Variants in CNGA3 observed in about 807,000 individuals in gnomAD.
The protein encoded by CNGA3 is cyclic nucleotide-gated channel alpha-3.
CNGA3 carries 42 observed loss-of-function variants against 46.6 expected under a neutral mutation model. That is an observed-to-expected ratio of 0.90 (90% CI 0.70 to 1.17). CNGA3 has a LOEUF of 1.17. CNGA3 is among the 50% of genes most tolerant of loss of function. The pLI, the probability that CNGA3 is intolerant of heterozygous loss-of-function variation, is 0.00. For synonymous variants in CNGA3, 394 were observed against 369.4 expected (o/e 1.07, Z -0.76); for missense variants, 893 against 890.7 (o/e 1.00, Z -0.03).
chr2:98,372,221 A>G (rs1366817519), intron 2 of CNGA3, among the ~76,000 whole-genome samples: 1 of 152,202 alleles, frequency 6.6e-6, no homozygotes, highest in Non-Finnish European at 1.5e-5. Context: ...TGCTTTGGCC[A>G]GTGACCTCCA....
chr2:98,372,587 A>C (rs569961070), intron 2 of CNGA3, among the ~76,000 whole-genome samples: 1 of 152,318 alleles, frequency 6.6e-6, no homozygotes, highest in Non-Finnish European at 1.5e-5. Context: ...CTGGCTCTGC[A>C]ACTGACCTGC....
chr2:98,388,987 G>C (rs1692722546), intron 5 of CNGA3, among the ~76,000 whole-genome samples: 1 of 152,248 alleles, frequency 6.6e-6, no homozygotes, highest in Non-Finnish European at 1.5e-5. Context: ...CTGTAAACTT[G>C]AATCTGCGGG....
Position 98,377,743 on chromosome 2 carries a change from A to T in CNGA3, c.158A>T (p.Glu53Val). The change falls in exon 3 of 8, where the codon GAG (glutamate) becomes GTG (valine). Residue 53 changes from glutamate (E) to valine (V), a missense_variant. Coordinates refer to ENST00000272602, the MANE Select transcript of CNGA3 (RefSeq NM_001298.3). ...SSVLQPGIAM[E>V]TRGLADSGQG... is the part of the protein sequence containing the mutation. ...GTGCTGCAGCCGGGGATCGCCATGG[A>T]GACCAGAGGACTGGCTGACTCCGGG... 1.2e-6 allele frequency: 2 copies of T among 1,613,342 alleles called. No individual in the cohort carries two copies. The highest frequency in any genetic ancestry group is 1.7e-6 in the Non-Finnish European group (2 of 1,180,014).
rs754086920 is a variant in CNGA3 at position 98,397,220 on chromosome 2, G to A, written c.2050G>A (p.Gly684Arg). The change falls in exon 8 of 8, where the codon GGG (glycine) becomes AGG (arginine). Residue 684 changes from glycine to arginine, a missense_variant. Physicochemically the swap from Gly to Arg is moderately radical, Grantham distance 125 (BLOSUM62 -2). This residue lies in a region of CNGA3 where 548 missense variants were observed against 570.8 expected (regional missense o/e 0.96). Transcript: ENST00000272602. ...GCCCCTGGCTGATGGGGAAGTTCCC[G>A]GGGATGCTACAAAAACAGAGGACAA... ...DKPLADGEVP[G>R]DATKTEDKQQ is the part of the protein sequence containing the mutation. 9.3e-6 allele frequency: 15 copies of A among 1,613,950 alleles called. No individual in the cohort carries two copies. The highest frequency in any genetic ancestry group is 2.7e-5 in the African/African-American group (2 of 75,046).
At chr2:98,379,977 A>G (rs1457961634) in intron 3 of CNGA3, 198 bp from the exon 4 acceptor site, 4 of 637,782 alleles carry the variant, frequency 6.3e-6, no homozygotes, top group South Asian at 1.9e-5. Flanking sequence ...AAGGGGATAA[A>G]CGGTCCCCAT....
At chr2:98,382,610 G>A (rs1329654971) in intron 4 of CNGA3, among the ~76,000 whole-genome samples, 1 of 152,260 alleles carries the variant, frequency 6.6e-6, no homozygotes, top group Non-Finnish European at 1.5e-5. Context: ...GGTCTGCAGT[G>A]CCCTGCGAGG....
At chr2:98,363,364 C>T (rs1558805704) in intron 1 of CNGA3, among the ~76,000 whole-genome samples, 1 of 152,178 alleles carries the variant, frequency 6.6e-6, no homozygotes, top group Non-Finnish European at 1.5e-5. Flanking sequence ...AGGTCCTTCA[C>T]TTGCCTTACT....
At chr2:98,388,366 G>A (rs970266571) in intron 5 of CNGA3, among the ~76,000 whole-genome samples, 1 of 152,238 alleles carries the variant, frequency 6.6e-6, no homozygotes, top group African/African-American at 2.4e-5. Flanking sequence ...AAGACGGGGT[G>A]CCATGGTCCC....
At chr2:98,384,202 T>C (rs778316712) in intron 5 of CNGA3, among the ~76,000 whole-genome samples, 1 of 152,190 alleles carries the variant, frequency 6.6e-6, no homozygotes, top group Non-Finnish European at 1.5e-5. Flanking sequence ...GTTCCCGTGT[T>C]TTAAGGCCAA....
chr2:98,365,157 C>T (rs1233818775), intron 1 of CNGA3, among the ~76,000 whole-genome samples: 1 of 152,094 alleles, frequency 6.6e-6, no homozygotes, highest in Non-Finnish European at 1.5e-5. Flanking sequence ...CCTGCCTCAG[C>T]CTACTGAGGT....
At chr2:98,383,927 C>T (rs867744259) in intron 5 of CNGA3, among the ~76,000 whole-genome samples, 1 of 152,114 alleles carries the variant, frequency 6.6e-6, no homozygotes, top group African/African-American at 2.4e-5. Flanking sequence ...TGCTCTGTCA[C>T]CCAGGCTGGA....
chr2:98,367,715 C>T (rs897525840), intron 1 of CNGA3, among the ~76,000 whole-genome samples: 3 of 152,128 alleles, frequency 2.0e-5, no homozygotes, highest in Non-Finnish European at 4.4e-5. Context: ...TCTTCCTCCC[C>T]ACCCCTTATA....
Position 98,378,200 on chromosome 2 carries a change from T to C in CNGA3, c.215+400T>C, listed in dbSNP as rs1208107524. 1.9e-6 allele frequency: 3 copies of C among 1,550,074 alleles called. No individual in the cohort carries two copies. In the South Asian group the frequency reaches 3.6e-5, roughly 18 times the overall value. ...AATGGCTCTGGCAGGGTCTCCCGGG[T>C]GCTCGTCTGGACCCCAGGGCAGGTA... On this transcript the variant is annotated intron_variant, in intron 3 of 7. Transcript: ENST00000272602.
At position 98,383,402 on chromosome 2, in the gene CNGA3, C is replaced by G; in HGVS notation, c.410C>G (p.Ala137Gly). Residue 137 changes from alanine to glycine, a missense_variant, in exon 5 of 8, where the codon GCC (alanine) becomes GGC (glycine). Physicochemically the swap from Ala to Gly is moderately conservative, Grantham distance 60 (BLOSUM62 0). This residue lies in a region of CNGA3 where 333 missense variants were observed against 290.8 expected (regional missense o/e 1.15). Transcript: ENST00000272602. The part of the protein sequence containing the change: ...ADRGRSAWPL[A>G]KCNTNTSNNT... ...CCTTCCCGCAGCGCCTGGCCCCTGG[C>G]CAAATGCAACACTAACACCAGCAAC... 12 of 1,614,152 alleles carry G rather than the reference C, an allele frequency of 7.4e-6. No individual in the cohort carries two copies. The highest frequency in any genetic ancestry group is 9.3e-6 in the Non-Finnish European group (11 of 1,180,034).
At chr2:98,363,607 C>A (rs1020110687) in intron 1 of CNGA3, among the ~76,000 whole-genome samples, 1 of 152,284 alleles carries the variant, frequency 6.6e-6, no homozygotes, top group Non-Finnish European at 1.5e-5. Context: ...AAGGGGAATG[C>A]TTCCAGATTT....
At chr2:98,371,441 A>ATAATTT (rs1345936102) in intron 2 of CNGA3, among the ~76,000 whole-genome samples, 2 of 152,206 alleles carry the variant, frequency 1.3e-5, no homozygotes, top group Non-Finnish European at 2.9e-5. Flanking sequence ...GTGATGGTCA[A>ATAATTT]TAATTTTCAA....
chr2:98,351,767 AT>A (rs1416595332), intron 1 of CNGA3, among the ~76,000 whole-genome samples: 4 of 152,122 alleles, frequency 2.6e-5, no homozygotes, highest in Non-Finnish European at 5.9e-5. Flanking sequence ...TCTCCCCTTT[AT>A]TATGTTTCAT....
At chr2:98,378,293 A>C in intron 3 of CNGA3, 1 of 1,404,600 alleles carries the variant, frequency 7.1e-7, no homozygotes, top group Non-Finnish European at 9.6e-7. Flanking sequence ...CCCTGATGAC[A>C]TCCGTACTCC....
intron 4 of CNGA3, among the ~76,000 whole-genome samples, chr2:98,381,328 C>T (rs1558813455): frequency 6.6e-6 from 1 of 152,080 alleles, no homozygotes; most frequent in Non-Finnish European, 1.5e-5. Context: ...AGCATGATGG[C>T]TGCAGAACAG....
Sources: allele counts gnomAD v4.1 joint callset (sites outside exome capture counted in the v4.1 genomes callset), GRCh38; gene constraint gnomAD v4.1.1; regional missense constraint gnomAD v4.1.1; transcripts MANE v1.5; gene names NCBI Gene and HGNC (gene_info 2026-07-23, HGNC 2026-07-21).